PTCH1: variants seen among roughly 807,000 people sequenced by gnomAD.
The protein encoded by PTCH1 is patched 1.
Under a neutral mutation model 144.6 loss-of-function variants are expected in PTCH1, and 14 were observed. The ratio of observed to expected loss-of-function variants is 0.10; its 90% CI spans 0.06 to 0.15. PTCH1 has a LOEUF of 0.15. Among genes scored for constraint, PTCH1 ranks in the 10% least tolerant of loss-of-function variants. The pLI is 1.00. For synonymous variants in PTCH1, 833 were observed against 793.6 expected (o/e 1.05, Z -0.83); for missense variants, 1,623 against 1,948.3 (o/e 0.83, Z 3.14).
At chr9:95,499,146 G>A (rs1587671661) in intron 2 of PTCH1, among the ~76,000 whole-genome samples, 1 of 152,230 alleles carries the variant, frequency 6.6e-6, no homozygotes, top group African/African-American at 2.4e-5. Context: ...CTCTGGCGGT[G>A]TGGTATGGGT....
intron 5 of PTCH1, 93 bp from the exon 6 acceptor site, chr9:95,480,681 G>A: frequency 7.6e-7 from 1 of 1,315,728 alleles, no homozygotes; most frequent in Non-Finnish European, 1.1e-6. Context: ...CACCTTGTAG[G>A]AGGTTCCTGG....
At chr9:95,481,870 A>G in intron 5 of PTCH1, 79 bp downstream of exon 5, 1 of 1,304,872 alleles carries the variant, frequency 7.7e-7, no homozygotes, top group Non-Finnish European at 1.1e-6. Flanking sequence ...CTGAAATGGA[A>G]CAAACAATGA....
intron 19 of PTCH1, among the ~76,000 whole-genome samples, chr9:95,454,572 T>A (rs1376764197): frequency 6.6e-6 from 1 of 152,270 alleles, no homozygotes; most frequent in Non-Finnish European, 1.5e-5. Context: ...AGCTGCCTTC[T>A]GCTCTTGGGG....
At chr9:95,504,022 C>CAAAA (rs58747037) in intron 2 of PTCH1, among the ~76,000 whole-genome samples, 100 of 6,720 alleles carry the variant, frequency 0.015, 35 homozygotes, top group Admixed American at 0.024. Flanking sequence ...GACTCCGTCT[C>CAAAA]AAAAAAAAAA....
chr9:95,462,104 G>A lies in PTCH1; in HGVS notation c.2561-106C>T, dbSNP rs532405727. 1.9e-4 allele frequency: 249 copies of A among 1,327,272 alleles called. 4 individuals carry two copies. The South Asian group carries it at 2.2e-3, about 12-fold the overall frequency. The allele number at this position is 1,327,272 out of a possible 1,614,324, so 82.2% of individuals were successfully genotyped here. ...TGAGCAGGGCAGGGGGCTCTTAGAC[G>A]TCCATCAGAAACACACCCTCTGTGT... On this transcript the variant is annotated intron_variant, in intron 15 of 23. Transcript: ENST00000331920.
chr9:95,507,966 C>A (rs1487529586), intron 1 of PTCH1, 195 bp downstream of exon 1: 23 of 1,479,208 alleles, frequency 1.6e-5, no homozygotes, highest in Admixed American at 6.2e-5. Flanking sequence ...ACAGCCCTTT[C>A]CTCCCAGGAC....
rs2118947654 is a variant in PTCH1, at chr9:95,514,396, T to A, written c.3+2073A>T. 2 of 152,360 alleles carry A rather than the reference T, an allele frequency of 1.3e-5. 1 individual carries two copies. The highest frequency in any genetic ancestry group is 4.1e-4 in the South Asian group (2 of 4,820). 9.4% of individuals were successfully genotyped at this position (152,360 alleles called of 1,614,324 possible). ...GCACACCATTCATTTCAGTGATCTC[T>A]GCTATTGGGTCCTGCATGAAAAAGA... On this transcript the variant is annotated intron_variant, in intron 1 of 22. Transcript: ENST00000430669.
chr9:95,506,320 G>A (rs1668799462), intron 2 of PTCH1, 87 bp downstream of exon 2: 1 of 1,458,908 alleles, frequency 6.9e-7, no homozygotes, highest in Admixed American at 2.0e-5. Flanking sequence ...GCCGCAGCCA[G>A]GCTCTAGGTG....
In PTCH1 at chr9:95,468,462, C is replaced by T. The variant is rs971809372; in HGVS notation, c.2250+289G>A. Among the ~76,000 whole-genome samples, 4 of 152,168 alleles carry T rather than the reference C, an allele frequency of 2.6e-5. No homozygotes were observed. In the South Asian group the frequency reaches 8.3e-4, roughly 31 times the overall value. On this transcript the variant is annotated intron_variant, in intron 14 of 23. Transcript: ENST00000331920. Reference sequence around the variant, plus strand: ...ATCCTCCTACCTCAGCCTCCCAAAGCGCTGGGTTAACAGGCATGAGCCACC... The same window carrying T: ...ATCCTCCTACCTCAGCCTCCCAAAGTGCTGGGTTAACAGGCATGAGCCACC...
chr9:95,448,996 A>C (rs1490235144), intron 22 of PTCH1, 73 bp downstream of exon 22: 2 of 1,598,386 alleles, frequency 1.3e-6, no homozygotes, highest in East Asian at 4.5e-5. Flanking sequence ...AGCAGACAGG[A>C]GCCCCCGCTG....
chr9:95,485,650 G>A, intron 3 of PTCH1, 35 bp downstream of exon 3: 1 of 1,613,112 alleles, frequency 6.2e-7, no homozygotes, highest in Non-Finnish European at 8.5e-7. Flanking sequence ...CGCCTTACCT[G>A]CTGCTCATTA....
rs28380046 is a variant in PTCH1 at position 95,444,118 on chromosome 9, A to T, written c.*2275T>A. The T allele has an allele frequency of 0.088, 13,111 of 148,238 alleles. 1,596 individuals carry two copies. The highest frequency in any genetic ancestry group is 0.28 in the African/African-American group (11,226 of 40,048). 9.2% of individuals were successfully genotyped at this position (148,238 alleles called of 1,614,324 possible). The stretch of plus-strand genomic sequence containing the variant: ...ATATCAGCAAAGTTTTTTTTTTTTT[A>T]AAAATTAAAACATCCAAATGAACAA... On this transcript the variant is annotated 3_prime_UTR_variant, in exon 24 of 24. Transcript: ENST00000331920.
upstream of PTCH1, among the ~76,000 whole-genome samples, chr9:95,510,513 ATT>A (rs200287760): frequency 6.6e-6 from 1 of 152,142 alleles, no homozygotes; most frequent in Admixed American, 6.5e-5. Flanking sequence ...ATTTAAAAAA[ATT>A]TTTGTTTTCG....
intron 2 of PTCH1, 36 bp downstream of exon 2, chr9:95,506,369 CGG>C: frequency 6.2e-7 from 1 of 1,600,182 alleles, no homozygotes; most frequent in Non-Finnish European, 8.5e-7. Context: ...GAGGAGGGAC[CGG>C]GCCGGGGGCG....
At chr9:95,456,654 AT>A (rs1157328083) in intron 18 of PTCH1, among the ~76,000 whole-genome samples, 1 of 152,092 alleles carries the variant, frequency 6.6e-6, no homozygotes, top group Non-Finnish European at 1.5e-5. Context: ...AATGCAAATT[AT>A]TTTCCAATGT....
Position 95,506,518 on chromosome 9 carries a change from G to C in PTCH1, c.283C>G (p.Gln95Glu), listed in dbSNP as rs1587693508. 6.2e-7 allele frequency: 1 copy of C among 1,613,646 alleles called. No homozygotes were observed. Among genetic ancestry groups the C allele is most frequent in the African/African-American group, 1.3e-5 (1 of 74,920 alleles). The change falls in exon 2 of 24, where the codon CAA becomes GAA. Residue 95 changes from glutamine to glutamate, a missense_variant. Gln to Glu is a conservative substitution (Grantham distance 29, BLOSUM62 2). Transcript: ENST00000331920. The stretch of plus-strand genomic sequence containing the variant: ...ACCAAGAACTTGCCGCAGTTTTTTT[G>C]AATGTAACAACCCAGTTTAAATAAG... The part of the protein sequence containing the change: ...RLLFKLGCYI[Q>E]KNCGKFLVVG...
chr9:95,494,112 G>C, intron 2 of PTCH1: 2 of 736,194 alleles, frequency 2.7e-6, no homozygotes, highest in South Asian at 1.2e-4. Context: ...TGGCAGGCTG[G>C]GCGCAGGTAG....
intron 20 of PTCH1, 28 bp downstream of exon 20, chr9:95,453,450 A>C (rs1209525200): frequency 6.2e-7 from 1 of 1,613,426 alleles, no homozygotes; most frequent in South Asian, 1.1e-5. Context: ...GATTTCTAAA[A>C]CATGTCTCCT....
intron 7 of PTCH1, 74 bp from the exon 8 acceptor site, chr9:95,479,221 C>T (rs1003376068): frequency 6.3e-7 from 1 of 1,586,880 alleles, no homozygotes; most frequent in Non-Finnish European, 8.6e-7. Context: ...AAATCCCCAG[C>T]CAGCTCCCCC....
Sources: allele counts gnomAD v4.1 joint callset (sites outside exome capture counted in the v4.1 genomes callset), GRCh38; gene constraint gnomAD v4.1.1; transcripts MANE v1.5; gene names NCBI Gene and HGNC (gene_info 2026-07-23, HGNC 2026-07-21).